The following EVI5L variants were observed in gnomAD, a reference collection of about 807,000 sequenced individuals.
The protein encoded by EVI5L is ecotropic viral integration site 5 like, also known as EVI5-like protein.
EVI5L carries 30 observed loss-of-function variants against 106.1 expected under a neutral mutation model. That is an observed-to-expected ratio of 0.28 (90% CI 0.21 to 0.38). The LOEUF (loss-of-function observed/expected upper bound fraction) is 0.38, where lower values mean the gene tolerates loss of function less well. Among genes scored for constraint, EVI5L ranks in the 10% least tolerant of loss-of-function variants. The pLI is 1.00. For missense variants in EVI5L, 809 were observed against 1,098.0 expected, an observed-to-expected ratio of 0.74 and a Z score of 3.72; for synonymous variants, 489 against 483.3, an observed-to-expected ratio of 1.01 and a Z score of -0.15.
rs747492093 is a variant in EVI5L at position 7,849,972 on chromosome 19, C to A, written c.628-25C>A. On this transcript the variant is annotated intron_variant, in intron 5 of 19. Transcript: ENST00000538904. ...CCCTCCCCGCTGCGCTGCCCTGAGCCCCCCCACCTGCCCGTCCCCCCTAGA... is the reference window on the plus strand; with the variant it reads ...CCCTCCCCGCTGCGCTGCCCTGAGCACCCCCACCTGCCCGTCCCCCCTAGA... 7 of 1,568,354 alleles carry A rather than the reference C, an allele frequency of 4.5e-6. No individual in the cohort carries two copies. The South Asian group carries it at 4.7e-5, about 10-fold the overall frequency.
chr19:7,837,354 TA>T (rs1158376539), intron 1 of EVI5L, among the ~76,000 whole-genome samples: 2 of 151,990 alleles, frequency 1.3e-5, no homozygotes, highest in Non-Finnish European at 2.9e-5. Context: ...ATAAATAAAA[TA>T]AAATAAGACT....
intron 8 of EVI5L, chr19:7,852,877 T>C: frequency 1.8e-6 from 1 of 570,234 alleles, no homozygotes; most frequent in South Asian, 2.0e-5. Context: ...TTCTGGAAAC[T>C]AAGGCTTTGG....
intron 8 of EVI5L, among the ~76,000 whole-genome samples, chr19:7,852,411 T>A (rs531306683): frequency 7.9e-5 from 12 of 152,060 alleles, no homozygotes; most frequent in Non-Finnish European, 1.6e-4. Flanking sequence ...CCCCTGGGCT[T>A]ACCTTAACCC....
chr19:7,863,347 G>A lies in EVI5L; in HGVS notation c.2139+67G>A. 2 of 1,544,368 alleles carry A rather than the reference G, an allele frequency of 1.3e-6. No homozygotes were observed. The highest frequency in any genetic ancestry group is 2.4e-5 in the South Asian group (2 of 83,808). Reference sequence around the variant, plus strand: ...TCGGCCTGGGACGAGCCGAGCGCAGGTGCCTTGCGGAGGATGCGGCTGGGA... The same window carrying A: ...TCGGCCTGGGACGAGCCGAGCGCAGATGCCTTGCGGAGGATGCGGCTGGGA... On this transcript the variant is annotated intron_variant, in intron 19 of 19. Transcript: ENST00000538904. The surrounding 1 kb of genome is among the most constrained non-coding windows in gnomAD (Gnocchi z 7.7).
chr19:7,863,005 G>T lies in EVI5L; in HGVS notation c.1981G>T (p.Glu661Ter). The change falls in exon 18 of 20, where the codon GAG becomes TAG. Residue 661 changes from glutamate to a stop codon, truncating the protein, a stop_gained. Transcript: ENST00000538904. LOFTEE classifies it high-confidence loss of function. This position sits in a 1 kb window ranked among gnomAD's most constrained non-coding sequence, Gnocchi z 7.7. ...KEEVMAVRLR[E>*]ADSMAAVAEM... ...GGAGGTGATGGCTGTGCGACTGCGGGAGGCGGACAGCATGGCTGCGGTGGC... is the reference window on the plus strand; with the variant it reads ...GGAGGTGATGGCTGTGCGACTGCGGTAGGCGGACAGCATGGCTGCGGTGGC... 2 of 1,580,776 alleles carry T rather than the reference G, an allele frequency of 1.3e-6. No homozygotes were observed. Among genetic ancestry groups the T allele is most frequent in the East Asian group, 2.3e-5 (1 of 42,878 alleles).
Position 7,863,429 on chromosome 19 carries a change from G to A in EVI5L, c.2145G>A (p.Arg715=). 6.5e-6 allele frequency: 10 copies of A among 1,542,308 alleles called. No individual in the cohort carries two copies. Among genetic ancestry groups the A allele is most frequent in the Non-Finnish European group, 8.7e-6 (10 of 1,144,194 alleles). ...GCGCCGGTCCCCCGCCCCAGGTGCG[G>A]CTGCTGAAGGGCCCGCCGCCCTTCG... ...DQIEELKAEV[R]LLKGPPPFED... Residue 715 remains arginine, a synonymous_variant, in exon 20 of 20, where the codon CGG becomes CGA. Transcript: ENST00000538904. The surrounding 1 kb of genome is among the most constrained non-coding windows in gnomAD (Gnocchi z 7.7).
intron 1 of EVI5L, among the ~76,000 whole-genome samples, chr19:7,840,343 C>T (rs547749372): frequency 1.8e-4 from 28 of 152,182 alleles, no homozygotes; most frequent in Non-Finnish European, 2.6e-4. Context: ...CCAGGCATGG[C>T]GGCACATGCC....
At position 7,863,790 on chromosome 19, in the gene EVI5L, TGAC is replaced by T. The variant is rs1050882949; in HGVS notation, c.*89_*91del. On this transcript the variant is annotated 3_prime_UTR_variant, in exon 20 of 20. Coordinates refer to ENST00000538904, the MANE Select transcript of EVI5L (RefSeq NM_001159944.3). This position sits in a 1 kb window ranked among gnomAD's most constrained non-coding sequence, Gnocchi z 7.7. ...CGTTCTGCTCCCCACCTGCCGCACTTGACAAACTACGCGCCCTCTGTGGCTCGG... is the reference window on the plus strand; with the variant it reads ...CGTTCTGCTCCCCACCTGCCGCACTTAAACTACGCGCCCTCTGTGGCTCGG... 1.2e-5 allele frequency: 17 copies of T among 1,407,720 alleles called. No individual in the cohort carries two copies. The highest frequency in any genetic ancestry group is 2.6e-4 in the Middle Eastern group (1 of 3,824). 87.2% of individuals were successfully genotyped at this position (1,407,720 alleles called of 1,614,324 possible). A position where few individuals can be genotyped will look rare whatever the true frequency, so the allele number is the denominator to read the frequency against.
intron 1 of EVI5L, among the ~76,000 whole-genome samples, chr19:7,832,468 A>C (rs2146408111): frequency 6.6e-6 from 1 of 152,296 alleles, no homozygotes; most frequent in South Asian, 2.1e-4. Context: ...TCAGTACCTC[A>C]ACTTCCCCAT....
chr19:7,831,117 A>G (rs967961848), intron 1 of EVI5L, among the ~76,000 whole-genome samples: 7 of 150,828 alleles, frequency 4.6e-5, no homozygotes, highest in Non-Finnish European at 8.9e-5. Context: ...CCCCATCTGG[A>G]TCCTGGCTCC....
chr19:7,853,019 G>T lies in EVI5L; in HGVS notation c.988-67G>T, dbSNP rs1599573067. On this transcript the variant is annotated intron_variant, in intron 8 of 19. Transcript: ENST00000538904. ...TCCTGCCCCCCTCCAGGGCAACAGGGCTCGGGCGGCCCCCGGTGGTCAGGG... is the reference window on the plus strand; with the variant it reads ...TCCTGCCCCCCTCCAGGGCAACAGGTCTCGGGCGGCCCCCGGTGGTCAGGG... 2.2e-5 allele frequency: 35 copies of T among 1,556,354 alleles called. No homozygotes were observed. The East Asian group carries it at 6.7e-4, about 30-fold the overall frequency.
chr19:7,861,423 C>T (rs1979794815), intron 14 of EVI5L, among the ~76,000 whole-genome samples: 1 of 152,224 alleles, frequency 6.6e-6, no homozygotes. Context: ...ACAAATCCTC[C>T]ATCAATGAGC....
At chr19:7,834,626 C>G (rs1185355385) in intron 1 of EVI5L, among the ~76,000 whole-genome samples, 1 of 152,148 alleles carries the variant, frequency 6.6e-6, no homozygotes, top group African/African-American at 2.4e-5. Flanking sequence ...TTATTTATCC[C>G]ACAAATATGG....
In EVI5L at chr19:7,853,386, G is replaced by A. The variant is rs184582936; in HGVS notation, c.1146+53G>A. The A allele has an allele frequency of 2.5e-5, 40 of 1,568,992 alleles. 1 individual carries two copies. In the East Asian group the frequency reaches 8.7e-4, roughly 34 times the overall value. The stretch of plus-strand genomic sequence containing the variant: ...CAGGGATGGGAGGCCTTTGGGGGCT[G>A]CCCTCCGTACTCTAAAGATCGGCCG... On this transcript the variant is annotated intron_variant, in intron 10 of 19. Transcript: ENST00000538904.
rs1291190395 is a variant in EVI5L at position 7,863,300 on chromosome 19, C to T, written c.2139+20C>T. ...GCCGAGGTGAGCCGGCGCGGGGATGCCGGGGACAGGCCTGGGTGTCGTCGG... is the reference window on the plus strand; with the variant it reads ...GCCGAGGTGAGCCGGCGCGGGGATGTCGGGGACAGGCCTGGGTGTCGTCGG... On this transcript the variant is annotated intron_variant, in intron 19 of 19. Transcript: ENST00000538904. The surrounding 1 kb of genome is among the most constrained non-coding windows in gnomAD (Gnocchi z 7.7). 7.7e-6 allele frequency: 12 copies of T among 1,550,944 alleles called. No homozygotes were observed. Among genetic ancestry groups the T allele is most frequent in the Non-Finnish European group, 9.6e-6 (11 of 1,147,288 alleles).
intron 14 of EVI5L, among the ~76,000 whole-genome samples, 187 bp from the exon 15 acceptor site, chr19:7,861,691 T>C (rs532594981): frequency 6.6e-6 from 1 of 152,214 alleles, no homozygotes; most frequent in East Asian, 1.9e-4. Context: ...ATTTTATAGC[T>C]GAGGAACTCC....
intron 1 of EVI5L, among the ~76,000 whole-genome samples, chr19:7,838,516 C>A (rs1978451064): frequency 6.6e-6 from 1 of 152,226 alleles, no homozygotes. Context: ...AGCCACGTAA[C>A]TTATCACTGT....
At chr19:7,842,545 AGTGT>A (rs1008894023) in intron 1 of EVI5L, among the ~76,000 whole-genome samples, 3 of 142,634 alleles carry the variant, frequency 2.1e-5, no homozygotes, top group East Asian at 2.2e-4. Flanking sequence ...GGGTGTATCA[AGTGT>A]GTGTATGTGT....
At chr19:7,859,753 G>T (rs1979710975) in intron 13 of EVI5L, among the ~76,000 whole-genome samples, 1 of 152,250 alleles carries the variant, frequency 6.6e-6, no homozygotes, top group South Asian at 2.1e-4. Flanking sequence ...AGAGATCGGG[G>T]AGGCCCAAGG....
Sources: allele counts gnomAD v4.1 joint callset (sites outside exome capture counted in the v4.1 genomes callset), GRCh38; gene constraint gnomAD v4.1.1; non-coding constraint Gnocchi (gnomAD v3.1); transcripts MANE v1.5; gene names NCBI Gene and HGNC (gene_info 2026-07-23, HGNC 2026-07-21).